STXBP4: variants seen among roughly 807,000 people sequenced by gnomAD.
The protein encoded by STXBP4 is syntaxin binding protein 4, also known as syntaxin-binding protein 4.
STXBP4 carries 55 observed loss-of-function variants against 76.1 expected under a neutral mutation model. The ratio of observed to expected loss-of-function variants is 0.72; its 90% CI spans 0.58 to 0.91. The LOEUF is 0.91. STXBP4 is among the 40% of genes least tolerant of loss of function. The pLI, the probability that STXBP4 is intolerant of heterozygous loss-of-function variation, is 0.00. For missense variants in STXBP4, 618 were observed against 636.9 expected, an observed-to-expected ratio of 0.97 and a Z score of 0.32; for synonymous variants, 201 against 220.2, an observed-to-expected ratio of 0.91 and a Z score of 0.77.
chr17:55,029,563 ATCATTATG>A (rs2078470784), intron 8 of STXBP4, among the ~76,000 whole-genome samples: 1 of 151,496 alleles, frequency 6.6e-6, no homozygotes, highest in Non-Finnish European at 1.5e-5. Context: ...GAAGCTAAAA[ATCATTATG>A]CCATGTTATA....
At chr17:54,980,009 T>C (rs1314617636) in intron 1 of STXBP4, among the ~76,000 whole-genome samples, 1 of 148,206 alleles carries the variant, frequency 6.7e-6, no homozygotes, top group Non-Finnish European at 1.5e-5. Flanking sequence ...AATCATCTAC[T>C]TATTTGTTTG....
chr17:55,134,117 G>C (rs1198555750), intron 16 of STXBP4, among the ~76,000 whole-genome samples: 1 of 152,068 alleles, frequency 6.6e-6, no homozygotes, highest in African/African-American at 2.4e-5. Flanking sequence ...TTGAAGTTTT[G>C]AGTAAGTAAG....
intron 12 of STXBP4, among the ~76,000 whole-genome samples, chr17:55,071,490 G>T (rs2079118491): frequency 6.6e-6 from 1 of 152,040 alleles, no homozygotes; most frequent in African/African-American, 2.4e-5. Flanking sequence ...CTCCTCCTTG[G>T]GAAATCCTAA....
At chr17:55,076,534 A>G (rs1483694919) in intron 13 of STXBP4, among the ~76,000 whole-genome samples, 5 of 152,104 alleles carry the variant, frequency 3.3e-5, no homozygotes, top group African/African-American at 1.2e-4. Context: ...TCAGCTGTCA[A>G]TCTGTCATTT....
intron 1 of STXBP4, among the ~76,000 whole-genome samples, chr17:54,974,605 A>G (rs925818849): frequency 6.6e-6 from 1 of 152,188 alleles, no homozygotes; most frequent in Non-Finnish European, 1.5e-5. Flanking sequence ...ACAAGGCCCT[A>G]CTCTTAAAAG....
chr17:55,000,135 T>C (rs2077883829), intron 6 of STXBP4: 2 of 769,032 alleles, frequency 2.6e-6, no homozygotes, highest in South Asian at 1.2e-4. Flanking sequence ...AATGTCATAT[T>C]TGGTTTCAGT....
chr17:55,106,302 T>C (rs1396940627), intron 16 of STXBP4, among the ~76,000 whole-genome samples: 1 of 151,838 alleles, frequency 6.6e-6, no homozygotes, highest in African/African-American at 2.4e-5. Context: ...TTTTTTACTT[T>C]CCATTTGCTT....
chr17:55,209,249 T>C, the STXBP4 span, among the ~76,000 whole-genome samples: 1 of 152,300 alleles, frequency 6.6e-6, no homozygotes, highest in African/African-American at 2.4e-5. Context: ...CAGTGAGGCA[T>C]CCAAGAGAAA....
At chr17:55,001,364 C>A (rs1203556837) in intron 7 of STXBP4, among the ~76,000 whole-genome samples, 1 of 152,000 alleles carries the variant, frequency 6.6e-6, no homozygotes, top group African/African-American at 2.4e-5. Flanking sequence ...ATTATTGATT[C>A]TTAATTACCA....
rs2080322125 is a variant in STXBP4 at position 55,159,888 on chromosome 17, G to C, written c.1639G>C (p.Glu547Gln). ...GGAGAATGAAGAGGATTGCTCTAGA[G>C]AACTCCCCAACCAGAAAAGTTGATG... ...SEENEEDCSR[E>Q]LPNQKS The change falls in exon 18 of 18, where the codon GAA (glutamate) becomes CAA (glutamine). Residue 547 changes from glutamate to glutamine, a missense_variant. Coordinates refer to ENST00000376352, the MANE Select transcript of STXBP4 (RefSeq NM_178509.6). 6.2e-7 allele frequency: 1 copy of C among 1,613,192 alleles called. No individual in the cohort carries two copies.
chr17:55,145,165 G>A lies in STXBP4; in HGVS notation c.1547+3798G>A, dbSNP rs530854136. On this transcript the variant is annotated intron_variant, in intron 17 of 17. Coordinates refer to ENST00000376352, the MANE Select transcript of STXBP4 (RefSeq NM_178509.6). ...TATATGTCTTTTTTGGAACTATTTC[G>A]TTTTGGTTTGTCATTTGTTTTTGTT... 2.8e-4 allele frequency among the ~76,000 whole-genome samples: 43 copies of A among 152,212 alleles called. No homozygotes were observed. In the South Asian group the frequency reaches 7.7e-3, roughly 27 times the overall value.
rs1470969739 is a variant in STXBP4, at chr17:54,999,774, C to T, written c.430C>T (p.Pro144Ser). ...ASTLSLFSSPPEILIPKTSST... is the reference protein window; with the variant it reads ...ASTLSLFSSPSEILIPKTSST... ...AACATTAAGTCTTTTTTCTTCTCCTCCTGAAATACTAATCCCAAAGACCTC... is the reference window on the plus strand; with the variant it reads ...AACATTAAGTCTTTTTTCTTCTCCTTCTGAAATACTAATCCCAAAGACCTC... The change falls in exon 6 of 18, where the codon CCT (proline) becomes TCT (serine). Residue 144 changes from proline (P) to serine (S), a missense_variant. Coordinates refer to ENST00000376352, the MANE Select transcript of STXBP4 (RefSeq NM_178509.6). 1.9e-6 allele frequency: 3 copies of T among 1,613,490 alleles called. No individual in the cohort carries two copies. Among genetic ancestry groups the T allele is most frequent in the Non-Finnish European group, 2.5e-6 (3 of 1,179,692 alleles).
chr17:55,156,999 C>A (rs1297085154), intron 17 of STXBP4, among the ~76,000 whole-genome samples: 2 of 152,014 alleles, frequency 1.3e-5, no homozygotes, highest in African/African-American at 4.8e-5. Flanking sequence ...ATGGAATGTT[C>A]ATATATGGAC....
chr17:55,194,642 A>G, the STXBP4 span, among the ~76,000 whole-genome samples: 13,277 of 152,252 alleles, frequency 0.087, 1,241 homozygotes, highest in African/African-American at 0.23. Flanking sequence ...TACTTTACTG[A>G]TGCAGACAGA....
At chr17:55,047,568 TTAA>T (rs1368823691) in intron 12 of STXBP4, among the ~76,000 whole-genome samples, 10 of 151,886 alleles carry the variant, frequency 6.6e-5, no homozygotes, top group Non-Finnish European at 1.3e-4. Flanking sequence ...CATTTATTTG[TTAA>T]TAATAAAAAG....
intron 12 of STXBP4, among the ~76,000 whole-genome samples, chr17:55,072,071 T>C (rs1334253804): frequency 6.6e-6 from 1 of 152,158 alleles, no homozygotes; most frequent in Non-Finnish European, 1.5e-5. Flanking sequence ...AGGTGGAAGG[T>C]ATACCTGTAT....
intron 16 of STXBP4, among the ~76,000 whole-genome samples, chr17:55,128,925 CTTTTTTTTTTTT>C (rs35073950): frequency 3.0e-4 from 26 of 86,294 alleles, no homozygotes; most frequent in African/African-American, 1.4e-3. Context: ...TGTAAGGATT[CTTTTTTTTTTTT>C]TTTTTTTTTT....
chr17:55,181,453 C>T, the STXBP4 span, among the ~76,000 whole-genome samples: 1 of 152,332 alleles, frequency 6.6e-6, no homozygotes, highest in Admixed American at 6.5e-5. Context: ...AATTCTTTTG[C>T]TGATATCTCA....
At chr17:55,025,981 C>T (rs2078405529) in intron 8 of STXBP4, among the ~76,000 whole-genome samples, 1 of 152,032 alleles carries the variant, frequency 6.6e-6, no homozygotes, top group African/African-American at 2.4e-5. Flanking sequence ...TATTTCTATA[C>T]ACTAACAATG....
Sources: gnomAD v4.1 joint callset for allele counts (sites outside exome capture counted in the v4.1 genomes callset) on GRCh38, gnomAD v4.1.1 for gene constraint, MANE v1.5 for transcripts, NCBI Gene and HGNC (gene_info 2026-07-23, HGNC 2026-07-21) for gene names.